Variants in GLRA2 observed in about 807,000 individuals in gnomAD.
The protein encoded by GLRA2 is glycine receptor alpha 2, also known as glycine receptor subunit alpha-2.
Under a neutral mutation model 31.6 loss-of-function variants are expected in GLRA2, and 11 were observed. That is an observed-to-expected ratio of 0.35 (90% CI 0.22 to 0.58). The LOEUF (loss-of-function observed/expected upper bound fraction) is 0.58, where lower values mean the gene tolerates loss of function less well. GLRA2 is among the 20% of genes least tolerant of loss of function. GLRA2 has a pLI of 0.84. For synonymous variants in GLRA2, 132 were observed against 134.0 expected, an observed-to-expected ratio of 0.99 and a Z score of 0.10; for missense variants, 212 against 351.8, an observed-to-expected ratio of 0.60 and a Z score of 3.18.
the GLRA2 span, among the ~76,000 whole-genome samples, chrX:14,456,676 G>C: frequency 2.7e-5 from 3 of 112,330 alleles, no homozygotes; most frequent in Non-Finnish European, 3.8e-5. Flanking sequence ...ATGTTACCAT[G>C]AATGACAAGA....
the GLRA2 span, among the ~76,000 whole-genome samples, chrX:14,483,907 A>T: frequency 9.0e-6 from 1 of 110,957 alleles, no homozygotes; most frequent in Admixed American, 9.6e-5. Context: ...AGGCAGAAAA[A>T]TGTGAAAAGA....
At chrX:14,561,749 T>G (rs1237396163) in intron 2 of GLRA2, among the ~76,000 whole-genome samples, 1 of 112,309 alleles carries the variant, frequency 8.9e-6, no homozygotes, top group African/African-American at 3.2e-5. Flanking sequence ...AAAGTTAAGC[T>G]GACTTTACTG....
At position 14,553,487 on chromosome X, in the gene GLRA2, A is replaced by C. The variant is rs3027335; in HGVS notation, c.203-20846A>C. Among the ~76,000 whole-genome samples, 786 of 111,503 alleles carry C rather than the reference A, an allele frequency of 7.0e-3. 7 individuals are homozygous for C. Among genetic ancestry groups the C allele is most frequent in the Middle Eastern group, 0.018 (4 of 218 alleles). On this transcript the variant is annotated intron_variant, in intron 2 of 8. Coordinates refer to ENST00000218075, the MANE Select transcript of GLRA2 (RefSeq NM_002063.4). ...TATCACATGACATTGTAATTAGTCT[A>C]ATCCATGTCTTTCTGCCTTGATAGA... is the stretch of plus-strand genomic sequence containing the variant.
the GLRA2 span, among the ~76,000 whole-genome samples, chrX:14,496,310 G>C: frequency 8.9e-6 from 1 of 111,791 alleles, no homozygotes; most frequent in Non-Finnish European, 1.9e-5. Context: ...AGAATTGACA[G>C]TCATCTCTAA....
At chrX:14,472,125 C>A in the GLRA2 span, among the ~76,000 whole-genome samples, 2 of 111,880 alleles carry the variant, frequency 1.8e-5, no homozygotes, top group Non-Finnish European at 3.8e-5. Flanking sequence ...AATAGGTGAC[C>A]AGATCAACTT....
At chrX:14,546,870 T>G (rs1202897926) in intron 2 of GLRA2, among the ~76,000 whole-genome samples, 1 of 111,528 alleles carries the variant, frequency 9.0e-6, no homozygotes, top group African/African-American at 3.3e-5. Flanking sequence ...ACATAAAAAT[T>G]TGGAGCCATG....
chrX:14,688,206 C>T (rs899333931), intron 7 of GLRA2, among the ~76,000 whole-genome samples: 1 of 111,378 alleles, frequency 9.0e-6, no homozygotes, highest in Non-Finnish European at 1.9e-5. Flanking sequence ...TGTCAATCTA[C>T]CCCTACTCAG....
In GLRA2 at chrX:14,644,343, T is replaced by G. The variant is rs186922743; in HGVS notation, c.930+35138T>G. 1.2e-4 allele frequency among the ~76,000 whole-genome samples: 13 copies of G among 112,216 alleles called. No homozygotes were observed. The East Asian group carries it at 3.6e-3, about 31-fold the overall frequency. ...TAGATAGACTAGTGGGATAGTCGAA[T>G]GAAGAAATACAGTAGTTTTTTTTAG... On this transcript the variant is annotated intron_variant, in intron 7 of 8. Coordinates refer to ENST00000218075, the MANE Select transcript of GLRA2 (RefSeq NM_002063.4).
rs1380133749 is a variant in GLRA2 at position 14,609,056 on chromosome X, A to T, written c.781A>T (p.Met261Leu). The change falls in exon 7 of 9, where the codon ATG becomes TTG. Residue 261 changes from methionine to leucine, a missense_variant. Physicochemically the swap from Met to Leu is conservative, Grantham distance 15. Around this residue, in one of 5 missense-constraint regions of GLRA2, gnomAD observed 110 missense variants for 232.6 expected, o/e 0.47. Coordinates refer to ENST00000218075, the MANE Select transcript of GLRA2 (RefSeq NM_002063.4). ...ERQMGYYLIQMYIPSLLIVIL... is the reference protein window; with the variant it reads ...ERQMGYYLIQLYIPSLLIVIL... ...CCAAATGGGATATTATTTGATCCAG[A>T]TGTACATCCCAAGCCTGCTTATAGT... 8.5e-7 allele frequency: 1 copy of T among 1,181,031 alleles called. No homozygotes were observed. Among genetic ancestry groups the T allele is most frequent in the Non-Finnish European group, 1.2e-6 (1 of 869,458 alleles).
the GLRA2 span, among the ~76,000 whole-genome samples, chrX:14,491,405 AGTTT>A: frequency 9.0e-6 from 1 of 111,432 alleles, no homozygotes; most frequent in South Asian, 3.8e-4. Flanking sequence ...TTGCCTGAAG[AGTTT>A]GTTTGTAAAA....
At chrX:14,538,405 C>T (rs2089355460) in intron 2 of GLRA2, among the ~76,000 whole-genome samples, 1 of 111,754 alleles carries the variant, frequency 8.9e-6, no homozygotes, top group African/African-American at 3.2e-5. Context: ...ATAGCCAACA[C>T]TTACTGTGTA....
At chrX:14,480,746 G>T in the GLRA2 span, among the ~76,000 whole-genome samples, 1 of 111,672 alleles carries the variant, frequency 9.0e-6, no homozygotes, top group Non-Finnish European at 1.9e-5. Context: ...GTATCATGTT[G>T]TCTTGGTTAC....
In GLRA2 at chrX:14,686,831, G is replaced by T. The variant is rs1298281187; in HGVS notation, c.931-3879G>T. Among the ~76,000 whole-genome samples the T allele has an allele frequency of 5.4e-5, 6 of 111,315 alleles. No homozygotes were observed. In the Admixed American group the frequency reaches 5.7e-4, roughly 11 times the overall value. ...CCCATTTACATTTAAGGTTAATATT[G>T]TCATGTGTGAATTTGATCCTGTCAT... On this transcript the variant is annotated intron_variant, in intron 7 of 8. Transcript: ENST00000218075.
chrX:14,602,352 G>A (rs1451420181), intron 4 of GLRA2, among the ~76,000 whole-genome samples: 1 of 104,217 alleles, frequency 9.6e-6, no homozygotes, highest in East Asian at 2.9e-4. Context: ...TGTACAAACC[G>A]TTGTTTGTTT....
At chrX:14,480,968 G>T in the GLRA2 span, among the ~76,000 whole-genome samples, 32 of 110,956 alleles carry the variant, frequency 2.9e-4, no homozygotes, top group African/African-American at 9.8e-4. Context: ...GCTTTGGGCA[G>T]TGTGGCCATT....
the GLRA2 span, among the ~76,000 whole-genome samples, chrX:14,508,192 A>G: frequency 8.9e-6 from 1 of 112,189 alleles, no homozygotes; most frequent in Non-Finnish European, 1.9e-5. Context: ...AATCTGTTTC[A>G]AAAGCACACG....
At chrX:14,490,581 C>G in the GLRA2 span, among the ~76,000 whole-genome samples, 1 of 112,368 alleles carries the variant, frequency 8.9e-6, no homozygotes, top group African/African-American at 3.2e-5. Flanking sequence ...GTTTGCACTT[C>G]AGATTTCAGT....
chrX:14,609,981 G>A (rs747753466), intron 7 of GLRA2, among the ~76,000 whole-genome samples: 35 of 111,901 alleles, frequency 3.1e-4, no homozygotes, highest in South Asian at 1.1e-3. Context: ...TATTGCTTAA[G>A]CAAGTAATGA....
chrX:14,690,693 C>A lies in GLRA2; in HGVS notation c.931-17C>A. Reference sequence around the variant, plus strand: ...TCTCTCTCTCTGTGTGTGTGTGTGTCTCTCTCTCTCTCTCAGGTCTCCTAT... The same window carrying A: ...TCTCTCTCTCTGTGTGTGTGTGTGTATCTCTCTCTCTCTCAGGTCTCCTAT... On this transcript the variant is annotated splice_polypyrimidine_tract_variant and intron_variant, in intron 7 of 8. Transcript: ENST00000218075. The A allele has an allele frequency of 1.6e-6, 1 of 637,138 alleles. No individual in the cohort carries two copies. The highest frequency in any genetic ancestry group is 2.2e-6 in the Non-Finnish European group (1 of 452,089). 52.5% of individuals were successfully genotyped at this position (637,138 alleles called of 1,213,427 possible). A position where few individuals can be genotyped will look rare whatever the true frequency, so the allele number is the denominator to read the frequency against.
Sources: gnomAD v4.1 joint callset for allele counts (sites outside exome capture counted in the v4.1 genomes callset) on GRCh38, gnomAD v4.1.1 for gene constraint, gnomAD v4.1.1 regional missense constraint, MANE v1.5 for transcripts, NCBI Gene and HGNC (gene_info 2026-07-23, HGNC 2026-07-21) for gene names.